GNAO1: variants seen among roughly 807,000 people sequenced by gnomAD.
GNAO1 encodes the protein guanine nucleotide-binding protein G(o) subunit alpha.
For synonymous variants in GNAO1, 164 were observed against 180.7 expected (o/e 0.91, Z 0.74); for missense variants, 166 against 478.7 (o/e 0.35, Z 6.10).
At chr16:56,236,987 C>T (rs1382668327) in intron 2 of GNAO1, among the ~76,000 whole-genome samples, 3 of 152,194 alleles carry the variant, frequency 2.0e-5, no homozygotes, top group Admixed American at 1.3e-4. Flanking sequence ...ATCTGTGCCT[C>T]AGTAGCCTCA....
At chr16:56,245,050 A>G (rs1295974721) in intron 2 of GNAO1, among the ~76,000 whole-genome samples, 3 of 152,164 alleles carry the variant, frequency 2.0e-5, no homozygotes, top group East Asian at 1.9e-4. Context: ...ACTGGGCAAA[A>G]TCATGCCTTT....
intron 2 of GNAO1, chr16:56,234,958 T>C (rs2036623356): frequency 4.3e-6 from 1 of 233,840 alleles, no homozygotes; most frequent in Admixed American, 5.1e-5. Flanking sequence ...GGCTAGTTAA[T>C]GTTCAGCCAC....
intron 2 of GNAO1, among the ~76,000 whole-genome samples, chr16:56,269,584 C>G (rs963885358): frequency 1.3e-5 from 2 of 152,180 alleles, no homozygotes; most frequent in Non-Finnish European, 2.9e-5. Context: ...AACAAGCACC[C>G]GGTCTCAGCT....
intron 4 of GNAO1, chr16:56,329,095 C>T (rs1010242286): frequency 3.6e-6 from 1 of 275,496 alleles, no homozygotes; most frequent in Non-Finnish European, 6.8e-6. Flanking sequence ...TGCAAAAAGA[C>T]AGCTTTCAAG....
chr16:56,197,018 A>T (rs548632802), intron 2 of GNAO1, among the ~76,000 whole-genome samples: 47 of 152,288 alleles, frequency 3.1e-4, no homozygotes, highest in African/African-American at 1.1e-3. Flanking sequence ...ACTGTTTGGT[A>T]TGGGTTCAGG....
intron 2 of GNAO1, chr16:56,194,287 G>C (rs1174822252): frequency 4.4e-6 from 2 of 456,488 alleles, no homozygotes; most frequent in Admixed American, 4.7e-5. Flanking sequence ...GGGGCCTGGG[G>C]AATTGCCCTT....
At chr16:56,350,873 G>A (rs147170117) in intron 6 of GNAO1, among the ~76,000 whole-genome samples, 62 of 152,244 alleles carry the variant, frequency 4.1e-4, no homozygotes, top group Non-Finnish European at 5.0e-4. Flanking sequence ...CTCCGGCTCC[G>A]GTCCAGACTC....
intron 3 of GNAO1, among the ~76,000 whole-genome samples, chr16:56,297,430 G>A (rs974386140): frequency 1.3e-5 from 2 of 151,906 alleles, no homozygotes; most frequent in African/African-American, 4.8e-5. Context: ...TCAGACCTGG[G>A]ATTTCTAAAT....
intron 2 of GNAO1, among the ~76,000 whole-genome samples, chr16:56,275,001 GAAGGAGCCTTGGTATGGTAGA>G (rs2037049502): frequency 6.6e-6 from 1 of 152,236 alleles, no homozygotes; most frequent in Non-Finnish European, 1.5e-5. Flanking sequence ...GAAGGAATTG[GAAGGAGCCTTGGTATGGTAGA>G]AAGGAGGTCT....
chr16:56,354,818 C>A lies in GNAO1; in HGVS notation c.878-48C>A. ...CTTCATGTCCCCAGCCCTGTCCACC[C>A]ACAGCGCTCATCAGGGCCTCTCCCC... is the stretch of plus-strand genomic sequence containing the variant. On this transcript the variant is annotated intron_variant, in intron 7 of 8. Transcript: ENST00000262493. This position sits in a 1 kb window ranked among gnomAD's most constrained non-coding sequence, Gnocchi z 4.3. The A allele has an allele frequency of 8.3e-7, 1 of 1,200,850 alleles. No individual in the cohort carries two copies. Among genetic ancestry groups the A allele is most frequent in the South Asian group, 1.3e-5 (1 of 79,224 alleles). The allele number at this position is 1,200,850 out of a possible 1,614,324, so 74.4% of individuals were successfully genotyped here. A position where few individuals can be genotyped will look rare whatever the true frequency, so the allele number is the denominator to read the frequency against.
intron 2 of GNAO1, among the ~76,000 whole-genome samples, chr16:56,237,648 T>A (rs1391747076): frequency 6.6e-6 from 1 of 152,204 alleles, no homozygotes; most frequent in Non-Finnish European, 1.5e-5. Flanking sequence ...GTTTTCCCTC[T>A]AACAATAACA....
At chr16:56,316,830 G>C (rs2037515726) in intron 3 of GNAO1, among the ~76,000 whole-genome samples, 2 of 152,342 alleles carry the variant, frequency 1.3e-5, no homozygotes, top group South Asian at 2.1e-4. Flanking sequence ...AATCTGTGGG[G>C]AAGGAAGATT....
chr16:56,319,441 G>C (rs116283748), intron 3 of GNAO1, among the ~76,000 whole-genome samples: 4 of 152,226 alleles, frequency 2.6e-5, no homozygotes, highest in South Asian at 2.1e-4. Flanking sequence ...GGGTACACAG[G>C]GGGCAGGGCC....
intron 2 of GNAO1, among the ~76,000 whole-genome samples, chr16:56,229,624 G>GATGA (rs2036569277): frequency 6.6e-6 from 1 of 152,098 alleles, no homozygotes; most frequent in Admixed American, 6.5e-5. Context: ...TGGATGGATG[G>GATGA]ATGGATGGAT....
chr16:56,340,805 C>T (rs1203893538), intron 6 of GNAO1: 1 of 1,605,968 alleles, frequency 6.2e-7, no homozygotes, highest in Non-Finnish European at 8.5e-7. Flanking sequence ...ATGCTGCCGC[C>T]CCTCACTCAC....
At chr16:56,293,307 T>C (rs558961902) in intron 3 of GNAO1, among the ~76,000 whole-genome samples, 1 of 152,312 alleles carries the variant, frequency 6.6e-6, no homozygotes, top group African/African-American at 2.4e-5. Context: ...CTTGGCTCTG[T>C]TGGCTGTTTT....
intron 6 of GNAO1, chr16:56,346,314 G>A (rs1026440623): frequency 1.0e-6 from 1 of 985,456 alleles, no homozygotes; most frequent in African/African-American, 1.7e-5. Flanking sequence ...GGAATGTTGC[G>A]AGTGACACGT....
At chr16:56,260,892 C>T (rs1416045910) in intron 2 of GNAO1, among the ~76,000 whole-genome samples, 2 of 152,236 alleles carry the variant, frequency 1.3e-5, no homozygotes, top group African/African-American at 4.8e-5. Context: ...TTTGCTGTGT[C>T]TCTCTGTGAA....
intron 3 of GNAO1, among the ~76,000 whole-genome samples, chr16:56,300,036 T>TGTGTGTGTGTGTGTGCGCGCGC (rs753591618): frequency 2.1e-5 from 2 of 95,108 alleles, no homozygotes; most frequent in African/African-American, 9.5e-5. Context: ...TGTGTGTGTG[T>TGTGTGTGTGTGTGTGCGCGCGC]GCGCGCGCGC....
Sources: allele counts gnomAD v4.1 joint callset (sites outside exome capture counted in the v4.1 genomes callset), GRCh38; gene constraint gnomAD v4.1.1; non-coding constraint Gnocchi (gnomAD v3.1); transcripts MANE v1.5; gene names NCBI Gene and HGNC (gene_info 2026-07-23, HGNC 2026-07-21).